KAZN: variants seen among roughly 807,000 people sequenced by gnomAD.
The protein encoded by KAZN is kazrin.
Under a neutral mutation model 87.4 loss-of-function variants are expected in KAZN, and 40 were observed. The observed-to-expected ratio is 0.46, with a 90% confidence interval of 0.36 to 0.60. The LOEUF (loss-of-function observed/expected upper bound fraction) is 0.60. KAZN is among the 20% of genes least tolerant of loss of function. KAZN has a pLI of 0.00. For synonymous variants in KAZN, 466 were observed against 458.3 expected (o/e 1.02, Z -0.22); for missense variants, 898 against 1,073.9 (o/e 0.84, Z 2.29).
chr1:14,833,969 T>A (rs1572604207), intron 1 of KAZN, among the ~76,000 whole-genome samples: 1 of 141,866 alleles, frequency 7.0e-6, no homozygotes, highest in African/African-American at 2.6e-5. Context: ...CCCAAGTCAT[T>A]CACACACACA....
At chr1:15,067,965 G>A in intron 8 of KAZN, 1 of 817,218 alleles carries the variant, frequency 1.2e-6, no homozygotes, top group Non-Finnish European at 1.5e-6. Context: ...TTCAGTTTTT[G>A]TAAATTAGGA....
Position 15,065,734 on chromosome 1 carries a change from C to A in KAZN, c.1203C>A (p.Leu401=), listed in dbSNP as rs757094991. 3.1e-6 allele frequency: 5 copies of A among 1,614,146 alleles called. No individual in the cohort carries two copies. The highest frequency in any genetic ancestry group is 4.2e-6 in the Non-Finnish European group (5 of 1,180,036). The change falls in exon 8 of 15, where the codon CTC becomes CTA. Residue 401 remains leucine, a synonymous_variant. Transcript: ENST00000376030. ...CCAGAGGGAAGCAGCGGAAGTCCCT[C>A]GACCCCGGCCTCTTTGATGGTACCG... The part of the protein sequence containing the change: ...VFARGKQRKS[L]DPGLFDDSDS...
chr1:14,848,852 T>C (rs544832345), intron 1 of KAZN, among the ~76,000 whole-genome samples: 7 of 152,200 alleles, frequency 4.6e-5, no homozygotes, highest in Non-Finnish European at 1.0e-4. Flanking sequence ...GACATCTGTG[T>C]AGCGTAGCGT....
chr1:14,382,051 G>A (rs1219387166), intron 2 of KAZN, among the ~76,000 whole-genome samples: 3 of 151,994 alleles, frequency 2.0e-5, no homozygotes, highest in Admixed American at 6.6e-5. Context: ...ATCTGAAAAC[G>A]AAATCAAGAA....
At chr1:13,943,819 T>C (rs1050720272) in intron 1 of KAZN, among the ~76,000 whole-genome samples, 1 of 152,146 alleles carries the variant, frequency 6.6e-6, no homozygotes, top group African/African-American at 2.4e-5. Context: ...GAAATGCAAA[T>C]TAAAATCACA....
At chr1:14,621,701 T>A (rs1414826458) in intron 1 of KAZN, among the ~76,000 whole-genome samples, 1 of 152,178 alleles carries the variant, frequency 6.6e-6, no homozygotes, top group Non-Finnish European at 1.5e-5. Flanking sequence ...AGTGAATAAG[T>A]CTCACAAGAT....
chr1:15,040,335 C>T (rs1275666934), intron 3 of KAZN, among the ~76,000 whole-genome samples: 1 of 152,220 alleles, frequency 6.6e-6, no homozygotes, highest in African/African-American at 2.4e-5. Flanking sequence ...CCATGGCCCA[C>T]CCAACTTCTC....
chr1:15,037,867 G>A (rs920010745), intron 3 of KAZN, among the ~76,000 whole-genome samples: 1 of 152,120 alleles, frequency 6.6e-6, no homozygotes, highest in East Asian at 1.9e-4. Flanking sequence ...AGTCCTTCTG[G>A]GAGGGACAGA....
rs150686623 is a variant in KAZN at position 14,486,001 on chromosome 1, T to A, written c.250-112982T>A. Among the ~76,000 whole-genome samples, 800 of 152,166 alleles carry A rather than the reference T, an allele frequency of 5.3e-3. 8 individuals are homozygous for A. The highest frequency in any genetic ancestry group is 0.018 in the African/African-American group (764 of 41,520). On this transcript the variant is annotated intron_variant, in intron 2 of 16. Coordinates refer to the KAZN transcript ENST00000636203. Reference sequence around the variant, plus strand: ...CTCTGCGGGAGCAGTCATGGAGCTGTAACACCACCAGACCTATAGCACTGC... The same window carrying A: ...CTCTGCGGGAGCAGTCATGGAGCTGAAACACCACCAGACCTATAGCACTGC...
chr1:14,833,287 C>T (rs1647105531), intron 1 of KAZN, among the ~76,000 whole-genome samples: 1 of 151,772 alleles, frequency 6.6e-6, no homozygotes, highest in Non-Finnish European at 1.5e-5. Context: ...GTGTCCATGC[C>T]CCCCCACTGT....
intron 2 of KAZN, among the ~76,000 whole-genome samples, chr1:14,275,444 C>CTGTG (rs60684981): frequency 0.12 from 16,514 of 136,732 alleles, 1,106 homozygotes; most frequent in South Asian, 0.15. Flanking sequence ...GTGGTAAATA[C>CTGTG]TGTGTGTGTG....
At chr1:14,041,043 C>T (rs1433128122) in intron 1 of KAZN, among the ~76,000 whole-genome samples, 3 of 152,160 alleles carry the variant, frequency 2.0e-5, no homozygotes, top group African/African-American at 7.2e-5. Context: ...AGCAGTGCCC[C>T]ATTCGCTTGG....
At chr1:14,544,350 C>CTTTTTTT (rs374148415) in intron 2 of KAZN, among the ~76,000 whole-genome samples, 113 of 98,090 alleles carry the variant, frequency 1.2e-3, no homozygotes, top group Non-Finnish European at 1.3e-3. Flanking sequence ...TTCTTTCTTT[C>CTTTTTTT]TTTTTTTTTT....
chr1:14,746,856 T>C (rs535737765), intron 1 of KAZN, among the ~76,000 whole-genome samples: 1 of 152,234 alleles, frequency 6.6e-6, no homozygotes, highest in African/African-American at 2.4e-5. Context: ...AAAATACATA[T>C]AACATACAAT....
rs572776947 is a variant in KAZN, at chr1:14,355,516, T to A, written c.249+174924T>A. ...TAAGTATACATGTCCCATGGTGGTT[T>A]GCTGCAACCATCAACCCGTCATTGA... On this transcript the variant is annotated intron_variant, in intron 2 of 16. Transcript: ENST00000636203. Among the ~76,000 whole-genome samples the A allele has an allele frequency of 6.6e-5, 10 of 152,248 alleles. No individual in the cohort carries two copies. In the East Asian group the frequency reaches 9.7e-4, roughly 15 times the overall value.
chr1:14,863,063 G>C (rs1289707591), intron 1 of KAZN, among the ~76,000 whole-genome samples: 1 of 46,986 alleles, frequency 2.1e-5, no homozygotes, highest in Non-Finnish European at 4.4e-5. Context: ...AGGATGAGAC[G>C]CTTCTGTAGC....
chr1:14,043,263 C>A (rs1363327872), intron 1 of KAZN, among the ~76,000 whole-genome samples: 2 of 152,204 alleles, frequency 1.3e-5, no homozygotes, highest in Non-Finnish European at 1.5e-5. Context: ...CTTTTTAAGG[C>A]TGAATGATAT....
Position 13,957,709 on chromosome 1 carries a change from T to A in KAZN, c.91+63953T>A, listed in dbSNP as rs2101014767. ...GATGGGTGAGATGTGAGGCACTTTT[T>A]AAGAATAAACTCTCACTGGAACCAG... On this transcript the variant is annotated intron_variant, in intron 1 of 16. Coordinates refer to the KAZN transcript ENST00000636203. Among the ~76,000 whole-genome samples, 2 of 152,132 alleles carry A rather than the reference T, an allele frequency of 1.3e-5. 1 individual carries two copies. The highest frequency in any genetic ancestry group is 6.8e-3 in the Middle Eastern group (2 of 294).
At chr1:14,122,255 G>C (rs1644767975) in intron 1 of KAZN, among the ~76,000 whole-genome samples, 1 of 152,204 alleles carries the variant, frequency 6.6e-6, no homozygotes, top group Non-Finnish European at 1.5e-5. Flanking sequence ...ATGTGCAGCA[G>C]AAAGTGAGGC....
Sources: allele counts gnomAD v4.1 joint callset (sites outside exome capture counted in the v4.1 genomes callset), GRCh38; gene constraint gnomAD v4.1.1; transcripts MANE v1.5; gene names NCBI Gene and HGNC (gene_info 2026-07-23, HGNC 2026-07-21).